GNAQ: variants seen among roughly 807,000 people sequenced by gnomAD.
The protein encoded by GNAQ is G protein subunit alpha q.
Under a neutral mutation model 43.9 loss-of-function variants are expected in GNAQ, and 8 were observed. That is an observed-to-expected ratio of 0.18 (90% CI 0.11 to 0.33). The LOEUF is 0.33. Ranked by LOEUF, GNAQ falls within the 10% of genes least tolerant of loss-of-function variation. GNAQ has a pLI of 1.00. For missense variants in GNAQ, 158 were observed against 450.8 expected, an observed-to-expected ratio of 0.35 and a Z score of 5.88; for synonymous variants, 155 against 170.7, an observed-to-expected ratio of 0.91 and a Z score of 0.71.
At chr9:77,965,882 T>A (rs187886677) in intron 1 of GNAQ, among the ~76,000 whole-genome samples, 1 of 149,838 alleles carries the variant, frequency 6.7e-6, no homozygotes, top group Non-Finnish European at 1.5e-5. Context: ...AACCTATGCA[T>A]GAATGTTCAC....
intron 3 of GNAQ, among the ~76,000 whole-genome samples, chr9:77,802,422 C>T (rs1173194334): frequency 6.6e-6 from 1 of 151,830 alleles, no homozygotes; most frequent in Non-Finnish European, 1.5e-5. Context: ...TCGTCACATA[C>T]TGAGAAAAGG....
At chr9:77,955,955 G>T (rs1473169269) in intron 1 of GNAQ, among the ~76,000 whole-genome samples, 2 of 152,126 alleles carry the variant, frequency 1.3e-5, no homozygotes, top group Admixed American at 6.5e-5. Context: ...TCCTGCCACG[G>T]CAATTTCTTG....
chr9:77,955,517 A>G (rs1823030880), intron 1 of GNAQ, among the ~76,000 whole-genome samples: 2 of 152,328 alleles, frequency 1.3e-5, no homozygotes, highest in Non-Finnish European at 2.9e-5. Context: ...CTTTTTGTAC[A>G]TAACGCTATA....
chr9:77,748,110 A>G (rs1825757670), intron 5 of GNAQ, among the ~76,000 whole-genome samples: 1 of 152,176 alleles, frequency 6.6e-6, no homozygotes, highest in South Asian at 2.1e-4. Flanking sequence ...CAGTTTCCAA[A>G]TCCAGAGTCT....
intron 1 of GNAQ, among the ~76,000 whole-genome samples, chr9:78,025,713 G>T (rs547197671): frequency 6.6e-6 from 1 of 152,164 alleles, no homozygotes; most frequent in South Asian, 2.1e-4. Flanking sequence ...CTTCCAAGAT[G>T]TACCCTTTGA....
At chr9:77,979,787 T>TGGCTTA (rs1467582648) in intron 1 of GNAQ, among the ~76,000 whole-genome samples, 15 of 152,360 alleles carry the variant, frequency 9.8e-5, no homozygotes, top group African/African-American at 3.1e-4. Flanking sequence ...TTACTTAGCA[T>TGGCTTA]GTTCAGTTTT....
In GNAQ at chr9:77,886,958, A is replaced by G. The variant is rs1214535957; in HGVS notation, c.321+35203T>C. Among the ~76,000 whole-genome samples, 227 of 30,520 alleles carry G rather than the reference A, an allele frequency of 7.4e-3. 1 individual carries two copies. The highest frequency in any genetic ancestry group is 0.024 in the Non-Finnish European group (164 of 6,726). 20.0% of individuals were successfully genotyped at this position (30,520 alleles called of 152,430 possible). ...ACCCCATCTCTACTAAAGAAATACA[A>G]AAAAAAAAAAAAAATTAGCTGGGCG... On this transcript the variant is annotated intron_variant, in intron 2 of 6. Transcript: ENST00000286548.
chr9:77,962,544 C>T (rs372792273), intron 1 of GNAQ, among the ~76,000 whole-genome samples: 93 of 152,156 alleles, frequency 6.1e-4, no homozygotes, highest in Middle Eastern at 6.8e-3. Context: ...ATACACCATG[C>T]TAACACTAAT....
At chr9:78,009,384 C>T (rs372629187) in intron 1 of GNAQ, among the ~76,000 whole-genome samples, 5 of 152,198 alleles carry the variant, frequency 3.3e-5, no homozygotes, top group Non-Finnish European at 5.9e-5. Context: ...TTTCCTCCTA[C>T]GACAGGAGAG....
At chr9:78,014,095 C>T (rs1302496856) in intron 1 of GNAQ, among the ~76,000 whole-genome samples, 1 of 152,056 alleles carries the variant, frequency 6.6e-6, no homozygotes, top group Admixed American at 6.6e-5. Flanking sequence ...AGAGTACATA[C>T]CTTTCAAATT....
rs2118276245 is a variant in GNAQ at position 77,922,245 on chromosome 9, C to T, written c.237G>A (p.Val79=). The T allele has an allele frequency of 3.7e-6, 6 of 1,613,420 alleles. No homozygotes were observed. The highest frequency in any genetic ancestry group is 5.1e-6 in the Non-Finnish European group (6 of 1,179,368). The change falls in exon 2 of 7, where the codon GTG becomes GTA. Residue 79 remains valine, a synonymous_variant. Transcript: ENST00000286548. ...GCATGGCCGTGAAGATGTTCTGATA[C>T]ACCAGCTTGGTGAAGCCCCTTTTAT... ...DEDKRGFTKL[V]YQNIFTAMQA... is the part of the protein sequence containing the mutation.
At chr9:77,731,382 C>T (rs1263905367) in intron 5 of GNAQ, among the ~76,000 whole-genome samples, 2 of 152,212 alleles carry the variant, frequency 1.3e-5, no homozygotes, top group Non-Finnish European at 2.9e-5. Flanking sequence ...GCACCCAGTA[C>T]TGCTGCACTG....
intron 3 of GNAQ, among the ~76,000 whole-genome samples, chr9:77,799,099 T>C (rs1227757704): frequency 6.6e-6 from 1 of 152,224 alleles, no homozygotes; most frequent in Non-Finnish European, 1.5e-5. Context: ...TGACATAATA[T>C]GATAGAATTG....
chr9:77,919,427 G>T (rs1828963032), intron 2 of GNAQ, among the ~76,000 whole-genome samples: 1 of 152,080 alleles, frequency 6.6e-6, no homozygotes, highest in African/African-American at 2.4e-5. Context: ...CTTCGCTATG[G>T]ATATGCTAAA....
At chr9:77,878,201 A>C (rs1828155717) in intron 2 of GNAQ, among the ~76,000 whole-genome samples, 1 of 151,962 alleles carries the variant, frequency 6.6e-6, no homozygotes, top group Non-Finnish European at 1.5e-5. Context: ...GGAGTTACGC[A>C]AAAAAGTGGA....
chr9:77,871,755 C>T (rs1209248969), intron 2 of GNAQ, among the ~76,000 whole-genome samples: 1 of 152,008 alleles, frequency 6.6e-6, no homozygotes. Context: ...TTTTTCTGAT[C>T]TATAATAGAA....
At chr9:77,929,353 C>A (rs543809417) in intron 1 of GNAQ, among the ~76,000 whole-genome samples, 2 of 152,288 alleles carry the variant, frequency 1.3e-5, no homozygotes, top group African/African-American at 4.8e-5. Flanking sequence ...TGGAACCTAC[C>A]AAGGTCTCTT....
intron 6 of GNAQ, among the ~76,000 whole-genome samples, chr9:77,724,556 G>C (rs893248553): frequency 2.6e-5 from 4 of 152,142 alleles, no homozygotes; most frequent in African/African-American, 9.7e-5. Context: ...AGATCTTGCA[G>C]AACTCTATTG....
rs202118917 is a variant in GNAQ, at chr9:77,743,653, CT to C, written c.736-14987del. Among the ~76,000 whole-genome samples the C allele has an allele frequency of 4.1e-4, 46 of 111,206 alleles. No homozygotes were observed. The East Asian group carries it at 6.4e-3, about 16-fold the overall frequency. The allele number at this position is 111,206 out of a possible 152,430, so 73.0% of individuals were successfully genotyped here. ...CTAATATCCATTTGGATTGGCTGATCTTTTTTTTTTAAACTGACTGATAGCT... is the reference window on the plus strand; with the variant it reads ...CTAATATCCATTTGGATTGGCTGATCTTTTTTTTTAAACTGACTGATAGCT... On this transcript the variant is annotated intron_variant, in intron 5 of 6. Transcript: ENST00000286548.
Sources: gnomAD v4.1 joint callset for allele counts (sites outside exome capture counted in the v4.1 genomes callset) on GRCh38, gnomAD v4.1.1 for gene constraint, MANE v1.5 for transcripts, NCBI Gene and HGNC (gene_info 2026-07-23, HGNC 2026-07-21) for gene names.